ITGB1: variants seen among roughly 807,000 people sequenced by gnomAD.
ITGB1 encodes the protein integrin subunit beta 1.
In ITGB1, 24 loss-of-function variants were observed where a neutral mutation model predicts 86.5. The ratio of observed to expected loss-of-function variants is 0.28; its 90% confidence interval spans 0.20 to 0.39. ITGB1 has a LOEUF of 0.39. Among genes scored for constraint, ITGB1 ranks in the 10% least tolerant of loss-of-function variants. The probability of loss-of-function intolerance (pLI) is 1.00; values close to 1 mark genes in which losing one functional copy is unlikely to be tolerated. For missense variants in ITGB1, 556 were observed against 946.9 expected (o/e 0.59, Z 5.42); for synonymous variants, 323 against 316.8 (o/e 1.02, Z -0.21).
chr10:32,943,882 G>A (rs916517966), intron 1 of ITGB1, among the ~76,000 whole-genome samples: 38 of 152,340 alleles, frequency 2.5e-4, no homozygotes, highest in Non-Finnish European at 1.5e-4. Flanking sequence ...GCTTGATCTT[G>A]TGGAAAACTT....
intron 1 of ITGB1, among the ~76,000 whole-genome samples, chr10:32,936,816 C>T (rs2095003492): frequency 6.6e-6 from 1 of 152,028 alleles, no homozygotes; most frequent in Non-Finnish European, 1.5e-5. Flanking sequence ...AGTATCTGTC[C>T]CTCCACAAGA....
intron 1 of ITGB1, among the ~76,000 whole-genome samples, chr10:32,947,824 G>A (rs933437206): frequency 2.0e-5 from 3 of 152,054 alleles, no homozygotes; most frequent in African/African-American, 7.2e-5. Context: ...CTTTAAAATG[G>A]GGACAGCAGT....
intron 1 of ITGB1, among the ~76,000 whole-genome samples, chr10:32,940,551 T>C (rs556453881): frequency 1.3e-5 from 2 of 152,302 alleles, no homozygotes; most frequent in South Asian, 4.1e-4. Context: ...ACAGGTGTTT[T>C]TCAGCTCCGT....
At chr10:32,928,745 ATTAT>A (rs915957317) in intron 4 of ITGB1, among the ~76,000 whole-genome samples, 2 of 149,686 alleles carry the variant, frequency 1.3e-5, no homozygotes, top group African/African-American at 2.4e-5. Context: ...TTTATTTATT[ATTAT>A]TTATTATTTA....
chr10:32,953,621 C>T (rs1186540187), intron 1 of ITGB1: 4 of 152,078 alleles, frequency 2.6e-5, no homozygotes, highest in African/African-American at 2.4e-5. Flanking sequence ...TCCAACTCCT[C>T]GAACGAGAGA....
chr10:32,918,216 G>A lies in ITGB1; in HGVS notation c.1469+1669C>T, dbSNP rs137894702. 4.9e-3 allele frequency among the ~76,000 whole-genome samples: 744 copies of A among 152,220 alleles called. 1 individual carries two copies. The highest frequency in any genetic ancestry group is 7.8e-3 in the Non-Finnish European group (532 of 68,024). ...TCATAAGGTGGGGGTAGGGGGCAGG[G>A]ATAGCATTAGGAGATATACCTAATG... is the stretch of plus-strand genomic sequence containing the variant. On this transcript the variant is annotated intron_variant, in intron 11 of 15. Coordinates refer to ENST00000302278, the MANE Select transcript of ITGB1 (RefSeq NM_002211.4).
chr10:32,940,343 CA>C (rs35732606), intron 1 of ITGB1, among the ~76,000 whole-genome samples: 40,137 of 108,778 alleles, frequency 0.37, 5,903 homozygotes, highest in African/African-American at 0.52. Context: ...GACTCCATCT[CA>C]AAAAAAAAAA....
At position 32,911,873 on chromosome 10, in the gene ITGB1, G is replaced by A. The variant is rs200795765; in HGVS notation, c.1708+13C>T. On this transcript the variant is annotated intron_variant, in intron 12 of 15. Coordinates refer to ENST00000302278, the MANE Select transcript of ITGB1 (RefSeq NM_002211.4). ...GGATCACATCTTACAACCACTTCAG[G>A]CCCTTTACTTACCTCCACAAATTAA... The A allele has an allele frequency of 1.3e-5, 21 of 1,591,934 alleles. No individual in the cohort carries two copies. The highest frequency in any genetic ancestry group is 1.7e-4 in the Middle Eastern group (1 of 6,028).
chr10:32,938,538 C>T (rs1008094115), intron 1 of ITGB1, among the ~76,000 whole-genome samples: 3 of 152,188 alleles, frequency 2.0e-5, no homozygotes, highest in Non-Finnish European at 2.9e-5. Flanking sequence ...TGTCACTGTC[C>T]TTTCCTTCTA....
chr10:32,920,047 G>C lies in ITGB1; in HGVS notation c.1307C>G (p.Pro436Arg). Residue 436 changes from proline to arginine, a missense_variant, in exon 11 of 16, where the codon CCA becomes CGA. Pro to Arg is a moderately radical substitution (Grantham distance 103). Around this residue, in one of 4 missense-constraint regions of ITGB1, gnomAD observed 330 missense variants for 531.5 expected, o/e 0.62. Coordinates refer to ENST00000302278, the MANE Select transcript of ITGB1 (RefSeq NM_002211.4). ...TTTAAAGCTGTCAGAATCCTTTTTT[G>C]GACACTTATTTGAAGTTATGCTAAT... ...FEISITSNKC[P>R]KKDSDSFKIR... 2 of 1,613,642 alleles carry C rather than the reference G, an allele frequency of 1.2e-6. No homozygotes were observed. The highest frequency in any genetic ancestry group is 1.7e-6 in the Non-Finnish European group (2 of 1,179,824).
chr10:32,944,135 G>A (rs140268698), intron 1 of ITGB1, among the ~76,000 whole-genome samples: 24 of 152,334 alleles, frequency 1.6e-4, no homozygotes, highest in Admixed American at 4.6e-4. Context: ...GTGAGCCACC[G>A]ACTGTTCCCA....
intron 1 of ITGB1, among the ~76,000 whole-genome samples, chr10:32,937,554 C>CAAAAAAAAAAAA (rs56280552): frequency 1.1e-4 from 10 of 91,870 alleles, no homozygotes; most frequent in Non-Finnish European, 1.4e-4. Context: ...GACTCCGTCT[C>CAAAAAAAAAAAA]AAAAAAAAAA....
intron 2 of ITGB1, among the ~76,000 whole-genome samples, chr10:32,934,965 G>A (rs2094996370): frequency 6.6e-6 from 1 of 152,104 alleles, no homozygotes; most frequent in Non-Finnish European, 1.5e-5. Flanking sequence ...AAGATTCAGA[G>A]GACAGAACTG....
chr10:32,928,287 A>G, intron 4 of ITGB1, 23 bp from the exon 5 acceptor site: 1 of 818,602 alleles, frequency 1.2e-6, no homozygotes, highest in Non-Finnish European at 2.1e-6. Context: ...GAGATTAGAA[A>G]ATGAAACTTG....
Position 32,929,888 on chromosome 10 carries a change from C to T in ITGB1, c.310G>A (p.Glu104Lys). ...NVTNRSKGTA[E>K]KLKPEDITQI... ...GTAATATCCTCTGGCTTGAGCTTCTCTGCTGTTCCTTTGCTACGGTTGGTT... is the reference window on the plus strand; with the variant it reads ...GTAATATCCTCTGGCTTGAGCTTCTTTGCTGTTCCTTTGCTACGGTTGGTT... The change falls in exon 4 of 16, where the codon GAG (glutamate) becomes AAG (lysine). Residue 104 changes from glutamate to lysine, a missense_variant. By Grantham distance (56) the Glu-to-Lys change is moderately conservative. This residue lies in a region of ITGB1 where 183 missense variants were observed against 263.9 expected (regional missense o/e 0.69). Transcript: ENST00000302278. 7 of 1,613,516 alleles carry T rather than the reference C, an allele frequency of 4.3e-6. No homozygotes were observed. Among genetic ancestry groups the T allele is most frequent in the Non-Finnish European group, 5.9e-6 (7 of 1,179,442 alleles).
chr10:32,924,075 G>A (rs2094957871), intron 6 of ITGB1, among the ~76,000 whole-genome samples: 1 of 152,168 alleles, frequency 6.6e-6, no homozygotes, highest in South Asian at 2.1e-4. Context: ...TGCTTGGCAA[G>A]CAGTAAGCCC....
chr10:32,914,681 TAGAA>T (rs1473474674), intron 11 of ITGB1, among the ~76,000 whole-genome samples: 1 of 152,080 alleles, frequency 6.6e-6, no homozygotes, highest in Non-Finnish European at 1.5e-5. Context: ...CTGAGAGACC[TAGAA>T]AGAGACTTAG....
intron 1 of ITGB1, chr10:32,944,592 T>C (rs570786986): frequency 7.4e-5 from 40 of 543,282 alleles, no homozygotes; most frequent in African/African-American, 6.3e-4. Flanking sequence ...CGAGATGATG[T>C]CATGACTCAG....
At chr10:32,914,514 C>G (rs1054736826) in intron 11 of ITGB1, among the ~76,000 whole-genome samples, 2 of 152,062 alleles carry the variant, frequency 1.3e-5, no homozygotes, top group Non-Finnish European at 2.9e-5. Context: ...TGGTTGCAAA[C>G]CTAGTCTCTG....
Sources: gnomAD v4.1 joint callset for allele counts (sites outside exome capture counted in the v4.1 genomes callset) on GRCh38, gnomAD v4.1.1 for gene constraint, gnomAD v4.1.1 regional missense constraint, MANE v1.5 for transcripts, NCBI Gene and HGNC (gene_info 2026-07-23, HGNC 2026-07-21) for gene names.